DPY19L1: variants seen among roughly 807,000 people sequenced by gnomAD.
DPY19L1 encodes protein C-mannosyl-transferase DPY19L1.
A neutral mutation model predicts 96.9 loss-of-function variants in DPY19L1; 35 were observed. The ratio of observed to expected loss-of-function variants is 0.36; its 90% CI spans 0.28 to 0.48. The LOEUF (loss-of-function observed/expected upper bound fraction) is 0.48, where lower values mean the gene tolerates loss of function less well. Among genes scored for constraint, DPY19L1 ranks in the 20% least tolerant of loss-of-function variants. DPY19L1 has a pLI of 0.99. For synonymous variants in DPY19L1, 205 were observed against 252.6 expected, an observed-to-expected ratio of 0.81 and a Z score of 1.79; for missense variants, 521 against 777.9, an observed-to-expected ratio of 0.67 and a Z score of 3.93.
At chr7:34,972,231 A>G (rs934027007) in intron 8 of DPY19L1, among the ~76,000 whole-genome samples, 4 of 152,184 alleles carry the variant, frequency 2.6e-5, no homozygotes, top group Non-Finnish European at 4.4e-5. Flanking sequence ...AGAGGGTTGC[A>G]CCTCCAATAC....
At chr7:34,944,273 G>GA (rs770380799) in intron 16 of DPY19L1, among the ~76,000 whole-genome samples, 3 of 146,210 alleles carry the variant, frequency 2.1e-5, no homozygotes, top group Non-Finnish European at 4.5e-5. Context: ...TGAGGCAGAC[G>GA]AATCGCCTGA....
intron 10 of DPY19L1, among the ~76,000 whole-genome samples, chr7:34,960,385 T>C (rs1416453505): frequency 1.3e-5 from 2 of 152,144 alleles, no homozygotes; most frequent in Non-Finnish European, 2.9e-5. Context: ...GCATATTTTC[T>C]TGAGTTTATT....
intron 7 of DPY19L1, among the ~76,000 whole-genome samples, chr7:34,975,496 G>T (rs1240416283): frequency 2.6e-5 from 4 of 152,174 alleles, no homozygotes; most frequent in Non-Finnish European, 4.4e-5. Flanking sequence ...AGCCATCTCC[G>T]TAAGATAAAA....
chr7:34,967,063 A>G (rs1363371555), intron 9 of DPY19L1, 92 bp from the exon 10 acceptor site: 10 of 917,040 alleles, frequency 1.1e-5, no homozygotes, highest in Admixed American at 3.7e-5. Context: ...ACTGATTTAT[A>G]TCTACACACA....
At chr7:35,032,630 T>C (rs747836487) in intron 1 of DPY19L1, among the ~76,000 whole-genome samples, 5 of 152,104 alleles carry the variant, frequency 3.3e-5, no homozygotes, top group Non-Finnish European at 7.4e-5. Context: ...CCACCACTGA[T>C]TGGCATTTCT....
chr7:34,989,486 A>T (rs1292049896), intron 7 of DPY19L1, among the ~76,000 whole-genome samples: 1 of 152,028 alleles, frequency 6.6e-6, no homozygotes, highest in African/African-American at 2.4e-5. Context: ...TGTGGTGATA[A>T]GCGTCTGTAG....
At chr7:35,033,362 C>T (rs1786307467) in intron 1 of DPY19L1, among the ~76,000 whole-genome samples, 2 of 152,130 alleles carry the variant, frequency 1.3e-5, no homozygotes, top group Admixed American at 6.6e-5. Flanking sequence ...CATTTATTTA[C>T]CATCCCCCCT....
intron 21 of DPY19L1, 22 bp downstream of exon 21, chr7:34,937,972 T>A (rs180865747): frequency 6.2e-7 from 1 of 1,608,576 alleles, no homozygotes; most frequent in East Asian, 2.2e-5. Context: ...GATTATAAAA[T>A]GTTAACTGTG....
chr7:35,020,845 A>G (rs1406860565), intron 1 of DPY19L1, among the ~76,000 whole-genome samples: 7 of 152,016 alleles, frequency 4.6e-5, no homozygotes, highest in Non-Finnish European at 8.8e-5. Flanking sequence ...AGTAGCTGGG[A>G]TTACAGGTAA....
intron 21 of DPY19L1, among the ~76,000 whole-genome samples, chr7:34,933,200 A>G (rs1404252831): frequency 2.0e-5 from 3 of 152,136 alleles, no homozygotes; most frequent in Non-Finnish European, 4.4e-5. Context: ...TTACACGGAT[A>G]AGTTATTCAG....
At chr7:34,976,506 C>T (rs1392746273) in intron 7 of DPY19L1, among the ~76,000 whole-genome samples, 4 of 152,168 alleles carry the variant, frequency 2.6e-5, no homozygotes, top group African/African-American at 9.7e-5. Context: ...TAGAACATGA[C>T]ATAAACTTAG....
intron 21 of DPY19L1, among the ~76,000 whole-genome samples, chr7:34,936,977 A>G (rs17202788): frequency 0.029 from 4,488 of 152,348 alleles, 67 homozygotes; most frequent in Non-Finnish European, 0.035. Flanking sequence ...AAGAATTTAA[A>G]AAATATTATT....
chr7:34,948,755 CCTTT>C (rs1458798697), intron 14 of DPY19L1, among the ~76,000 whole-genome samples: 15 of 152,188 alleles, frequency 9.9e-5, no homozygotes, highest in Admixed American at 1.3e-4. Flanking sequence ...AGATATGCTT[CCTTT>C]GTTTGTTTCA....
intron 3 of DPY19L1, 69 bp downstream of exon 3, chr7:35,017,813 C>T: frequency 8.0e-7 from 1 of 1,243,720 alleles, no homozygotes; most frequent in East Asian, 2.6e-5. Context: ...TGAAATTTTC[C>T]ATAATAAAAA....
chr7:34,977,013 T>A (rs910389962), intron 7 of DPY19L1, among the ~76,000 whole-genome samples: 5 of 152,156 alleles, frequency 3.3e-5, no homozygotes, highest in African/African-American at 1.2e-4. Context: ...GGTCTTGAAC[T>A]CCTGACCTCA....
intron 7 of DPY19L1, among the ~76,000 whole-genome samples, chr7:34,982,134 C>A (rs573403420): frequency 6.6e-6 from 1 of 152,178 alleles, no homozygotes; most frequent in South Asian, 2.1e-4. Flanking sequence ...CAACTAAATG[C>A]AATGTACGAT....
chr7:35,008,765 C>CAT (rs1205282861), intron 6 of DPY19L1, among the ~76,000 whole-genome samples: 1 of 152,160 alleles, frequency 6.6e-6, no homozygotes, highest in African/African-American at 2.4e-5. Context: ...TGCCATGTTT[C>CAT]ATATTTTAAC....
intron 21 of DPY19L1, among the ~76,000 whole-genome samples, chr7:34,936,997 AAT>A (rs1160897770): frequency 6.6e-6 from 1 of 152,230 alleles, no homozygotes; most frequent in Non-Finnish European, 1.5e-5. Flanking sequence ...TATTCCATAA[AAT>A]AGTGTTTATT....
chr7:34,940,113 C>T (rs1264946151), intron 19 of DPY19L1, 40 bp downstream of exon 19: 41 of 1,442,722 alleles, frequency 2.8e-5, no homozygotes, highest in Non-Finnish European at 3.3e-5. Context: ...GGAAAAACAG[C>T]TAAATAATAT....
Sources: allele counts gnomAD v4.1 joint callset (sites outside exome capture counted in the v4.1 genomes callset), GRCh38; gene constraint gnomAD v4.1.1; transcripts MANE v1.5; gene names NCBI Gene and HGNC (gene_info 2026-07-23, HGNC 2026-07-21).